The following VPS13B variants were observed in gnomAD, a reference collection of about 807,000 sequenced individuals.
The protein encoded by VPS13B is intermembrane lipid transfer protein VPS13B.
VPS13B carries 285 observed loss-of-function variants against 426.4 expected under a neutral mutation model. The ratio of observed to expected loss-of-function variants is 0.67; its 90% CI spans 0.61 to 0.74. The LOEUF (loss-of-function observed/expected upper bound fraction) is 0.74. VPS13B is among the 30% of genes least tolerant of loss of function. The probability of loss-of-function intolerance (pLI) is 0.00; values close to 1 mark genes in which losing one functional copy is unlikely to be tolerated. For missense variants in VPS13B, 4,537 were observed against 4,782.6 expected (o/e 0.95, Z 1.51); for synonymous variants, 1,676 against 1,676.4 (o/e 1.00, Z 0.01).
At chr8:99,604,450 C>T (rs1445133780) in intron 33 of VPS13B, among the ~76,000 whole-genome samples, 2 of 151,286 alleles carry the variant, frequency 1.3e-5, no homozygotes, top group Admixed American at 1.3e-4. Flanking sequence ...GTTATGTCTC[C>T]ATAGGTTCCT....
At chr8:99,119,882 G>GTT (rs1324819085) in intron 7 of VPS13B, among the ~76,000 whole-genome samples, 5 of 149,744 alleles carry the variant, frequency 3.3e-5, no homozygotes, top group Non-Finnish European at 5.9e-5. Flanking sequence ...TTTTTTTTTT[G>GTT]TTTGTTTTTT....
chr8:99,159,437 T>G (rs1811525804), intron 15 of VPS13B, among the ~76,000 whole-genome samples: 1 of 152,190 alleles, frequency 6.6e-6, no homozygotes. Context: ...CCATCAAACC[T>G]CAAATCAATC....
intron 24 of VPS13B, among the ~76,000 whole-genome samples, chr8:99,473,001 G>A (rs1819492869): frequency 6.6e-6 from 1 of 151,986 alleles, no homozygotes; most frequent in Non-Finnish European, 1.5e-5. Context: ...TATCTTTTAA[G>A]AAAATTGAAT....
Position 99,533,128 on chromosome 8 carries a change from G to A in VPS13B, c.4745+12118G>A, listed in dbSNP as rs151266387. On this transcript the variant is annotated intron_variant, in intron 30 of 61. Coordinates refer to ENST00000357162, the MANE Select transcript of VPS13B (RefSeq NM_152564.5). Reference sequence around the variant, plus strand: ...TAATTTTTGTATTTTTAGTAGAGATGGGGTTTTACCATGTTGGCCAAGCTG... The same window carrying A: ...TAATTTTTGTATTTTTAGTAGAGATAGGGTTTTACCATGTTGGCCAAGCTG... Among the ~76,000 whole-genome samples the A allele has an allele frequency of 8.6e-3, 1,305 of 151,814 alleles. 21 individuals carry two copies. The highest frequency in any genetic ancestry group is 0.03 in the African/African-American group (1,227 of 41,416).
chr8:99,519,239 A>G (rs535739738), intron 29 of VPS13B, among the ~76,000 whole-genome samples: 1 of 152,302 alleles, frequency 6.6e-6, no homozygotes, highest in East Asian at 1.9e-4. Flanking sequence ...ATGCAAATCA[A>G]AACTGCAATG....
intron 34 of VPS13B, among the ~76,000 whole-genome samples, chr8:99,648,949 C>CT (rs200664737): frequency 2.7e-4 from 40 of 146,380 alleles, no homozygotes; most frequent in East Asian, 6.1e-4. Context: ...CTGCGAGTAC[C>CT]TTTTTTTTTT....
chr8:99,716,428 A>T (rs1405904893), intron 36 of VPS13B, among the ~76,000 whole-genome samples: 1 of 152,142 alleles, frequency 6.6e-6, no homozygotes, highest in East Asian at 1.9e-4. Context: ...GCTCCTTGGG[A>T]GGAAAGTTAA....
rs183215754 is a variant in VPS13B, at chr8:99,801,367, A to G, written c.7942-8008A>G. 5.9e-5 allele frequency among the ~76,000 whole-genome samples: 9 copies of G among 152,348 alleles called. No homozygotes were observed. In the South Asian group the frequency reaches 6.2e-4, roughly 11 times the overall value. On this transcript the variant is annotated intron_variant, in intron 43 of 61. Coordinates refer to ENST00000357162, the MANE Select transcript of VPS13B (RefSeq NM_152564.5). ...AAAGTTAATTTTCTAAATTCTGTTGACAAAACAAATGACCAGGAGTTGTTT... is the reference window on the plus strand; with the variant it reads ...AAAGTTAATTTTCTAAATTCTGTTGGCAAAACAAATGACCAGGAGTTGTTT...
At chr8:99,249,243 G>A (rs1477896141) in intron 17 of VPS13B, among the ~76,000 whole-genome samples, 1 of 152,002 alleles carries the variant, frequency 6.6e-6, no homozygotes, top group Non-Finnish European at 1.5e-5. Flanking sequence ...TCCATGATAT[G>A]GATGTACCAC....
At chr8:99,208,179 C>T (rs1012666845) in intron 17 of VPS13B, among the ~76,000 whole-genome samples, 3 of 152,118 alleles carry the variant, frequency 2.0e-5, no homozygotes, top group Non-Finnish European at 4.4e-5. Context: ...GAGGAGGTGT[C>T]ATGCACTTTA....
chr8:99,726,206 T>C (rs1193183087), intron 39 of VPS13B, among the ~76,000 whole-genome samples: 1 of 152,208 alleles, frequency 6.6e-6, no homozygotes, highest in Non-Finnish European at 1.5e-5. Context: ...TCAAAAGTAA[T>C]GTTCCTAGAA....
chr8:99,501,517 A>T (rs1821232352), intron 25 of VPS13B, among the ~76,000 whole-genome samples, 170 bp from the exon 26 acceptor site: 2 of 152,238 alleles, frequency 1.3e-5, no homozygotes, highest in Non-Finnish European at 2.9e-5. Flanking sequence ...TGAGAAGTGT[A>T]TGTTTATACA....
At chr8:99,404,556 G>T (rs940923655) in intron 21 of VPS13B, among the ~76,000 whole-genome samples, 4 of 152,160 alleles carry the variant, frequency 2.6e-5, no homozygotes, top group African/African-American at 7.2e-5. Flanking sequence ...CATTATTGCA[G>T]TTCTGTGGCA....
At position 99,316,167 on chromosome 8, in the gene VPS13B, G is replaced by A. The variant is rs1027442640; in HGVS notation, c.2824+40913G>A. ...GAGAATGCCTGCTTTGGCCCCAGGT[G>A]TTGGATGTGAGTGGGGTAGCCTGTC... On this transcript the variant is annotated intron_variant, in intron 19 of 61. Transcript: ENST00000357162. Among the ~76,000 whole-genome samples the A allele has an allele frequency of 3.9e-5, 6 of 152,220 alleles. No homozygotes were observed. The East Asian group carries it at 1.2e-3, about 29-fold the overall frequency.
intron 19 of VPS13B, among the ~76,000 whole-genome samples, chr8:99,313,025 A>C (rs368610195): frequency 1.3e-5 from 2 of 152,158 alleles, no homozygotes; most frequent in South Asian, 2.1e-4. Flanking sequence ...CCATCAGGTC[A>C]TTTAAGGACT....
At chr8:99,470,644 A>G (rs1819351529) in intron 24 of VPS13B, among the ~76,000 whole-genome samples, 1 of 151,958 alleles carries the variant, frequency 6.6e-6, no homozygotes, top group Admixed American at 6.6e-5. Context: ...CAGAGCTTCA[A>G]TGATTGTAGA....
chr8:99,383,287 A>G (rs1813929297), intron 19 of VPS13B, among the ~76,000 whole-genome samples: 1 of 152,206 alleles, frequency 6.6e-6, no homozygotes, highest in South Asian at 2.1e-4. Context: ...TAAAAGTTGT[A>G]ATTTTTAATG....
intron 3 of VPS13B, among the ~76,000 whole-genome samples, chr8:99,079,128 G>A (rs1010797088): frequency 6.6e-6 from 1 of 152,062 alleles, no homozygotes; most frequent in Non-Finnish European, 1.5e-5. Context: ...TGGTGGGCAC[G>A]GCTGGTCTGT....
chr8:99,078,434 G>A (rs989511488), intron 3 of VPS13B, among the ~76,000 whole-genome samples: 3 of 151,816 alleles, frequency 2.0e-5, no homozygotes, highest in Admixed American at 1.3e-4. Context: ...ATCAGGATTA[G>A]TCTTGTCTGT....
Sources: gnomAD v4.1 joint callset for allele counts (sites outside exome capture counted in the v4.1 genomes callset) on GRCh38, gnomAD v4.1.1 for gene constraint, MANE v1.5 for transcripts, NCBI Gene and HGNC (gene_info 2026-07-23, HGNC 2026-07-21) for gene names.